ZNF85: variants seen among roughly 807,000 people sequenced by gnomAD.
ZNF85 encodes zinc finger protein 85 (HPF4, HTF1).
Under a neutral mutation model 53.9 loss-of-function variants are expected in ZNF85, and 50 were observed. The observed-to-expected ratio is 0.93, with a 90% CI of 0.74 to 1.17. The LOEUF (loss-of-function observed/expected upper bound fraction) is 1.17. Ranked by LOEUF, ZNF85 falls within the 50% of genes most tolerant of loss-of-function variation. The probability of loss-of-function intolerance (pLI) is 0.00; values close to 1 mark genes in which losing one functional copy is unlikely to be tolerated. For missense variants in ZNF85, 747 were observed against 688.5 expected (o/e 1.08, Z -0.95); for synonymous variants, 225 against 226.1 (o/e 1.00, Z 0.04).
At chr19:20,923,456 G>A (rs115179708) in intron 1 of ZNF85, 53 bp downstream of exon 1, 2 of 1,612,704 alleles carry the variant, frequency 1.2e-6, no homozygotes, top group Non-Finnish European at 1.7e-6. Context: ...GTTGAAACCG[G>A]TGGGAAGCGG....
chr19:20,923,736 C>A (rs1330600692), intron 1 of ZNF85, among the ~76,000 whole-genome samples: 1 of 152,106 alleles, frequency 6.6e-6, no homozygotes, highest in East Asian at 1.9e-4. Flanking sequence ...GGTGCGGGTT[C>A]ATGAAAGAGC....
chr19:20,923,970 A>G (rs1219679205), intron 1 of ZNF85, among the ~76,000 whole-genome samples: 2 of 151,944 alleles, frequency 1.3e-5, no homozygotes, highest in African/African-American at 4.8e-5. Context: ...CTGCAATCCC[A>G]GCTACTCAGG....
intron 3 of ZNF85, among the ~76,000 whole-genome samples, chr19:20,939,641 C>T (rs763983865): frequency 3.3e-5 from 5 of 152,126 alleles, no homozygotes; most frequent in African/African-American, 7.2e-5. Flanking sequence ...TGTATGTACA[C>T]GTTAAGTCAA....
intron 3 of ZNF85, chr19:20,942,968 G>C (rs983073325): frequency 5.6e-6 from 3 of 532,408 alleles, no homozygotes; most frequent in African/African-American, 3.9e-5. Context: ...TAGAGACAGA[G>C]TCTCACTTTG....
At chr19:20,948,703 G>C (rs1973479947) in intron 3 of ZNF85, 41 bp from the exon 4 acceptor site, 7 of 1,398,466 alleles carry the variant, frequency 5.0e-6, no homozygotes, top group Middle Eastern at 3.7e-4. Context: ...CTTCATCTAA[G>C]TCTAGCAAGT....
At chr19:20,932,877 G>A (rs1973057338) in intron 1 of ZNF85, among the ~76,000 whole-genome samples, 1 of 151,990 alleles carries the variant, frequency 6.6e-6, no homozygotes, top group Non-Finnish European at 1.5e-5. Flanking sequence ...GTCATTTCAT[G>A]TGCATCAACA....
At chr19:20,946,623 G>A (rs1383173369) in intron 3 of ZNF85, among the ~76,000 whole-genome samples, 1 of 148,650 alleles carries the variant, frequency 6.7e-6, no homozygotes, top group African/African-American at 2.5e-5. Context: ...ATTTTTCAGA[G>A]GTTCTCAGTG....
chr19:20,949,405 A>C lies in ZNF85; in HGVS notation c.891A>C (p.Arg297=), dbSNP rs11665995. ...AAGAATGTGGTAAAGCTTTTAACCG[A>C]TCTTCAACCCTTACTACCCATAGAA... ...KCKECGKAFN[R]SSTLTTHRKI... The change falls in exon 4 of 4, where the codon CGA becomes CGC. Residue 297 remains arginine, a synonymous_variant. Transcript: ENST00000328178. 1.2e-6 allele frequency: 2 copies of C among 1,611,566 alleles called. No individual in the cohort carries two copies. Among genetic ancestry groups the C allele is most frequent in the Non-Finnish European group, 1.7e-6 (2 of 1,179,232 alleles).
intron 3 of ZNF85, chr19:20,936,890 G>A (rs954865507): frequency 1.3e-5 from 2 of 152,934 alleles, no homozygotes; most frequent in African/African-American, 2.4e-5. Context: ...CTAATTACAC[G>A]AGGAGGAAAG....
At chr19:20,930,753 T>A (rs972620531) in intron 1 of ZNF85, among the ~76,000 whole-genome samples, 8 of 152,158 alleles carry the variant, frequency 5.3e-5, no homozygotes, top group Non-Finnish European at 1.5e-5. Context: ...AAGAATATGA[T>A]ACTTAAGGAT....
At chr19:20,943,995 CTA>C in intron 3 of ZNF85, 1 of 312,268 alleles carries the variant, frequency 3.2e-6, no homozygotes, top group Non-Finnish European at 4.6e-6. Flanking sequence ...TTATTTGACT[CTA>C]TATTTTCCAG....
Position 20,949,683 on chromosome 19 carries a change from T to A in ZNF85, c.1169T>A (p.Ile390Lys). Residue 390 changes from isoleucine to lysine, a missense_variant, in exon 4 of 4, where the codon ATA (isoleucine) becomes AAA (lysine). Physicochemically the swap from Ile to Lys is moderately radical, Grantham distance 102. Coordinates refer to ENST00000328178, the MANE Select transcript of ZNF85 (RefSeq NM_003429.5). Reference protein sequence around the residue: ...NHFSHLTTHKIIHTGEKPYKC... With the variant: ...NHFSHLTTHKKIHTGEKPYKC... The stretch of plus-strand genomic sequence containing the variant: ...TTCTCACACCTTACTACACATAAGA[T>A]AATTCATACTGGAGAGAAACCTTAC... 6.2e-7 allele frequency: 1 copy of A among 1,612,406 alleles called. No homozygotes were observed. The highest frequency in any genetic ancestry group is 2.2e-5 in the East Asian group (1 of 44,728).
chr19:20,936,406 A>G (rs1973159836), intron 3 of ZNF85, among the ~76,000 whole-genome samples: 1 of 147,702 alleles, frequency 6.8e-6, no homozygotes, highest in African/African-American at 2.5e-5. Flanking sequence ...GAGACAAAGG[A>G]TCTCTCAGCA....
intron 3 of ZNF85, among the ~76,000 whole-genome samples, chr19:20,941,045 C>T (rs1973283189): frequency 6.6e-6 from 1 of 151,806 alleles, no homozygotes; most frequent in Admixed American, 6.6e-5. Flanking sequence ...AATGATAATT[C>T]CAGTTTTAAT....
At chr19:20,933,705 A>G (rs995298932) in intron 1 of ZNF85, among the ~76,000 whole-genome samples, 13 of 152,204 alleles carry the variant, frequency 8.5e-5, no homozygotes, top group Admixed American at 5.9e-4. Flanking sequence ...ATGGCATCCA[A>G]AAATACACAT....
At chr19:20,945,704 C>T (rs139294292) in intron 3 of ZNF85, 17,197 of 152,138 alleles carry the variant, frequency 0.11, 1,005 homozygotes, top group Non-Finnish European at 0.13. Flanking sequence ...ACGCTGGTCT[C>T]GAACTCCTGA....
At chr19:20,938,262 G>C (rs939648473) in intron 3 of ZNF85, among the ~76,000 whole-genome samples, 1 of 152,110 alleles carries the variant, frequency 6.6e-6, no homozygotes, top group African/African-American at 2.4e-5. Flanking sequence ...TAGAGACATG[G>C]TTTTACCATG....
intron 3 of ZNF85, among the ~76,000 whole-genome samples, chr19:20,938,187 A>C (rs964814179): frequency 6.6e-6 from 1 of 152,172 alleles, no homozygotes; most frequent in Admixed American, 6.5e-5. Flanking sequence ...ATCGTGCCTC[A>C]GCCTCCTAAG....
At chr19:20,933,691 GTA>G (rs1973081532) in intron 1 of ZNF85, among the ~76,000 whole-genome samples, 1 of 152,084 alleles carries the variant, frequency 6.6e-6, no homozygotes, top group African/African-American at 2.4e-5. Context: ...TGTAGAATGT[GTA>G]TATGGCATCC....
Sources: gnomAD v4.1 joint callset for allele counts (sites outside exome capture counted in the v4.1 genomes callset) on GRCh38, gnomAD v4.1.1 for gene constraint, MANE v1.5 for transcripts, NCBI Gene and HGNC (gene_info 2026-07-23, HGNC 2026-07-21) for gene names.